The following HSF1 variants were observed in gnomAD, a reference collection of about 807,000 sequenced individuals.
The protein encoded by HSF1 is heat shock factor protein 1.
A neutral mutation model predicts 51.7 loss-of-function variants in HSF1; 32 were observed. The ratio of observed to expected loss-of-function variants is 0.62; its 90% CI spans 0.47 to 0.83. The LOEUF (loss-of-function observed/expected upper bound fraction) is 0.83. Among genes scored for constraint, HSF1 ranks in the 40% least tolerant of loss-of-function variants. The probability of loss-of-function intolerance (pLI) is 0.00; values close to 1 mark genes in which losing one functional copy is unlikely to be tolerated. For synonymous variants in HSF1, 396 were observed against 309.7 expected (o/e 1.28, Z -2.92); for missense variants, 727 against 717.0 (o/e 1.01, Z -0.16).
Position 144,314,317 on chromosome 8 carries a change from C to T in HSF1, c.1577C>T (p.Pro526Leu), listed in dbSNP as rs1437221014. 6.5e-7 allele frequency: 1 copy of T among 1,550,108 alleles called. No individual in the cohort carries two copies. Among genetic ancestry groups the T allele is most frequent in the Non-Finnish European group, 8.7e-7 (1 of 1,146,746 alleles). The part of the protein sequence containing the change: ...TGSEPPKAKD[P>L]TVS ...TCGGAGCCTCCCAAAGCCAAGGACC[C>T]CACTGTCTCCTAGAGGCCCCGGAGG... Residue 526 changes from proline to leucine, a missense_variant, in exon 13 of 13, where the codon CCC becomes CTC. By Grantham distance (98) the Pro-to-Leu change is moderately conservative. This residue lies in a region of HSF1 where 470 missense variants were observed against 398.8 expected (regional missense o/e 1.18). Transcript: ENST00000528838.
rs1554843917 is a variant in HSF1 at position 144,309,609 on chromosome 8, AC to A, written c.363+21del. ...TGACCAGTGTGAGTGCCGGCCCTGCACCCTTGCCCGGTCTCACCTGCCACAG... is the reference window on the plus strand; with the variant it reads ...TGACCAGTGTGAGTGCCGGCCCTGCACCTTGCCCGGTCTCACCTGCCACAG... On this transcript the variant is annotated intron_variant, in intron 3 of 12. Coordinates refer to ENST00000528838, the MANE Select transcript of HSF1 (RefSeq NM_005526.4). 1.2e-6 allele frequency: 2 copies of A among 1,610,998 alleles called. No homozygotes were observed. Among genetic ancestry groups the A allele is most frequent in the African/African-American group, 2.7e-5 (2 of 74,724 alleles).
In HSF1 at chr8:144,312,185, T is replaced by TGGC; in HGVS notation, c.1083_1084insGGC (p.Pro361_Pro362insGly). 8.5e-6 allele frequency: 13 copies of TGGC among 1,532,690 alleles called. No homozygotes were observed. Among genetic ancestry groups the TGGC allele is most frequent in the African/African-American group, 1.4e-5 (1 of 70,066 alleles). 94.9% of individuals were successfully genotyped at this position (1,532,690 alleles called of 1,614,324 possible). ...GCCACACGGACACCGAGGGCCGGCC[T>TGGC]CCCTCCCCCCCGCCCACCTCCACCC... On this transcript the variant is annotated inframe_insertion, in exon 9 of 13. Coordinates refer to ENST00000528838, the MANE Select transcript of HSF1 (RefSeq NM_005526.4).
chr8:144,303,857 G>A (rs535288708), intron 1 of HSF1, among the ~76,000 whole-genome samples: 6 of 152,238 alleles, frequency 3.9e-5, no homozygotes, highest in East Asian at 1.9e-4. Context: ...CAGCCTGGGC[G>A]ACAGCGAGAC....
rs1371114823 is a variant in HSF1 at position 144,297,454 on chromosome 8, C to T, written c.117+5580C>T. On this transcript the variant is annotated intron_variant, in intron 1 of 12. Transcript: ENST00000528838. This position sits in a 1 kb window ranked among gnomAD's most constrained non-coding sequence, Gnocchi z 4.6. ...TCTTGGTCCTTGTGTGGCGAGAACA[C>T]GCTGGAAGCTCCTCCAGAGCGGAAA... 4.6e-5 allele frequency among the ~76,000 whole-genome samples: 7 copies of T among 152,294 alleles called. No individual in the cohort carries two copies. The highest frequency in any genetic ancestry group is 2.1e-4 in the South Asian group (1 of 4,826).
chr8:144,313,931 G>C lies in HSF1; in HGVS notation c.1314+20G>C, dbSNP rs782587035. On this transcript the variant is annotated intron_variant, in intron 11 of 12. Transcript: ENST00000528838. ...GCCAGTGTGCGTAGGCGGGCGGGGG[G>C]TGAGGGGGAACGAGACCAGCGGGAG... 3 of 1,610,084 alleles carry C rather than the reference G, an allele frequency of 1.9e-6. No individual in the cohort carries two copies. The highest frequency in any genetic ancestry group is 4.5e-5 in the East Asian group (2 of 44,764).
At chr8:144,304,153 G>T (rs1413201136) in intron 1 of HSF1, among the ~76,000 whole-genome samples, 2 of 151,966 alleles carry the variant, frequency 1.3e-5, no homozygotes, top group African/African-American at 4.8e-5. Context: ...GGGGAGAAGG[G>T]TCCCCATCTT....
In HSF1 at chr8:144,311,315, C is replaced by T; in HGVS notation, c.565-6C>T. 2 of 1,613,938 alleles carry T rather than the reference C, an allele frequency of 1.2e-6. No individual in the cohort carries two copies. Among genetic ancestry groups the T allele is most frequent in the South Asian group, 1.1e-5 (1 of 91,086 alleles). ...GCCGGGGTAACTGTGTCCTCTCTCT[C>T]CACAGCTCATTCAGTTCCTGATCTC... On this transcript the variant is annotated splice_region_variant and splice_polypyrimidine_tract_variant and intron_variant, in intron 5 of 12. Transcript: ENST00000528838.
rs1554845188 is a variant in HSF1 at position 144,312,625 on chromosome 8, C to A, written c.1142+381C>A. 4 of 1,535,130 alleles carry A rather than the reference C, an allele frequency of 2.6e-6. No homozygotes were observed. In the East Asian group the frequency reaches 9.8e-5, roughly 38 times the overall value. On this transcript the variant is annotated intron_variant, in intron 9 of 12. Transcript: ENST00000528838. ...TGGGGGCTCTTGTTTTTGTATCTTG[C>A]AGTTTGGCTCGCACTCCACAGATGT...
At chr8:144,312,832 G>A (rs536431018) in intron 9 of HSF1, 275 of 866,164 alleles carry the variant, frequency 3.2e-4, no homozygotes, top group African/African-American at 2.7e-3. Flanking sequence ...GGCAGCAGCC[G>A]AGACCCCTCT....
intron 1 of HSF1, among the ~76,000 whole-genome samples, chr8:144,296,620 C>G (rs536362617): frequency 6.6e-6 from 1 of 152,206 alleles, no homozygotes; most frequent in African/African-American, 2.4e-5. Context: ...TCCTGGCTAA[C>G]ATGGTGAAAC....
At chr8:144,307,145 CCTT>C (rs1244078610) in intron 1 of HSF1, among the ~76,000 whole-genome samples, 1 of 152,236 alleles carries the variant, frequency 6.6e-6, no homozygotes, top group Non-Finnish European at 1.5e-5. Flanking sequence ...AGTGGCACCT[CCTT>C]CTCCCCAGCT....
intron 1 of HSF1, among the ~76,000 whole-genome samples, chr8:144,292,188 G>C (rs1011849415): frequency 6.6e-6 from 1 of 152,266 alleles, no homozygotes; most frequent in Non-Finnish European, 1.5e-5. Flanking sequence ...AAGTGTCCGC[G>C]CTTAGGGCAA....
At position 144,308,902 on chromosome 8, in the gene HSF1, T is replaced by C. The variant is rs1291403143; in HGVS notation, c.118-4T>C. The C allele has an allele frequency of 2.5e-6, 4 of 1,613,678 alleles. No individual in the cohort carries two copies. The highest frequency in any genetic ancestry group is 3.4e-6 in the Non-Finnish European group (4 of 1,179,598). Reference sequence around the variant, plus strand: ...CGTGACCCACCCATGTGTCTCCCTTTCAGAGCGGGAACAGCTTCCACGTGT... The same window carrying C: ...CGTGACCCACCCATGTGTCTCCCTTCCAGAGCGGGAACAGCTTCCACGTGT... On this transcript the variant is annotated splice_polypyrimidine_tract_variant and splice_region_variant and intron_variant, in intron 1 of 12. Transcript: ENST00000528838.
At position 144,291,865 on chromosome 8, in the gene HSF1, C is replaced by T. The variant is rs1554840434; in HGVS notation, c.108C>T (p.Cys36=). Residue 36 remains cysteine, a synonymous_variant, in exon 1 of 13, where the codon TGC becomes TGT. Transcript: ENST00000528838. This position sits in a 1 kb window ranked among gnomAD's most constrained non-coding sequence, Gnocchi z 4.1. The stretch of plus-strand genomic sequence containing the variant: ...ACCCGGACACCGACGCGCTCATCTG[C>T]TGGAGCCCGGTGAGGGCAGCGCGCG... ...VSDPDTDALI[C]WSPSGNSFHV... 14 of 1,536,124 alleles carry T rather than the reference C, an allele frequency of 9.1e-6. No individual in the cohort carries two copies. The highest frequency in any genetic ancestry group is 1.9e-5 in the Admixed American group (1 of 51,834).
chr8:144,296,929 G>GT (rs1422104389), intron 1 of HSF1, among the ~76,000 whole-genome samples: 4 of 151,972 alleles, frequency 2.6e-5, no homozygotes, highest in African/African-American at 9.7e-5. Flanking sequence ...TGGTGTGGTG[G>GT]GGGGGGTGCG....
chr8:144,302,517 A>G (rs1047245667), intron 1 of HSF1, among the ~76,000 whole-genome samples: 6 of 149,914 alleles, frequency 4.0e-5, no homozygotes, highest in African/African-American at 1.5e-4. Context: ...AAAAAAAAAG[A>G]TAATAATAAT....
chr8:144,311,208 C>G lies in HSF1; in HGVS notation c.523C>G (p.Leu175Val). 6.2e-7 allele frequency: 1 copy of G among 1,606,840 alleles called. No homozygotes were observed. Among genetic ancestry groups the G allele is most frequent in the South Asian group, 1.1e-5 (1 of 90,646 alleles). Residue 175 changes from leucine to valine, a missense_variant, in exon 5 of 13, where the codon CTT becomes GTT. This residue lies in a region of HSF1 where 257 missense variants were observed against 318.3 expected (regional missense o/e 0.81). Coordinates refer to ENST00000528838, the MANE Select transcript of HSF1 (RefSeq NM_005526.4). The part of the protein sequence containing the change: ...NEALWREVAS[L>V]RQKHAQQQKV... ...GGCTCTGTGGCGGGAGGTGGCCAGC[C>G]TTCGGCAGAAGCATGCCCAGCAACA...
At chr8:144,313,057 C>T (rs1370174806) in intron 9 of HSF1, 3 of 447,584 alleles carry the variant, frequency 6.7e-6, no homozygotes, top group East Asian at 4.2e-5. Flanking sequence ...CCAGGTGTGC[C>T]CTGTGGCCTA....
Position 144,313,973 on chromosome 8 carries a change from TC to T in HSF1, c.1315-10del. On this transcript the variant is annotated splice_polypyrimidine_tract_variant and intron_variant, in intron 11 of 12. Coordinates refer to ENST00000528838, the MANE Select transcript of HSF1 (RefSeq NM_005526.4). ...CAGCGGGAGTGCTCACAATACCGTCTCCACCCCACAGATCCAAGAGCTCCTG... is the reference window on the plus strand; with the variant it reads ...CAGCGGGAGTGCTCACAATACCGTCTCACCCCACAGATCCAAGAGCTCCTG... The T allele has an allele frequency of 6.2e-7, 1 of 1,610,674 alleles. No individual in the cohort carries two copies.
Sources: gnomAD v4.1 joint callset for allele counts (sites outside exome capture counted in the v4.1 genomes callset) on GRCh38, gnomAD v4.1.1 for gene constraint, gnomAD v4.1.1 regional missense constraint, Gnocchi (gnomAD v3.1) non-coding constraint, MANE v1.5 for transcripts, NCBI Gene and HGNC (gene_info 2026-07-23, HGNC 2026-07-21) for gene names.